ANKRD28: variants seen among roughly 807,000 people sequenced by gnomAD.
The protein encoded by ANKRD28 is serine/threonine-protein phosphatase 6 regulatory ankyrin repeat subunit A.
Under a neutral mutation model 126.5 loss-of-function variants are expected in ANKRD28, and 44 were observed. The observed-to-expected ratio is 0.35, with a 90% CI of 0.27 to 0.45. The LOEUF (loss-of-function observed/expected upper bound fraction) is 0.45, where lower values mean the gene tolerates loss of function less well. ANKRD28 is among the 20% of genes least tolerant of loss of function. The pLI is 1.00. For missense variants in ANKRD28, 1,110 were observed against 1,316.6 expected (o/e 0.84, Z 2.43); for synonymous variants, 442 against 468.5 (o/e 0.94, Z 0.73).
upstream of ANKRD28, among the ~76,000 whole-genome samples, chr3:15,800,813 A>G (rs13433957): frequency 0.041 from 6,217 of 152,152 alleles, 411 homozygotes; most frequent in African/African-American, 0.14. Context: ...CCCATGGTAT[A>G]TTATAAAATC....
Position 15,713,605 on chromosome 3 carries a change from G to A in ANKRD28, c.1112C>T (p.Thr371Ile). The A allele has an allele frequency of 5.0e-6, 8 of 1,609,664 alleles. No individual in the cohort carries two copies. Among genetic ancestry groups the A allele is most frequent in the East Asian group, 4.5e-5 (2 of 44,632 alleles). The change falls in exon 10 of 28, where the codon ACC becomes ATC. Residue 371 changes from threonine to isoleucine, a missense_variant. Transcript: ENST00000683139. ...VIDCEDKNGN[T>I]PLHIAARYGH... ...ATACCGTGCTGCTATGTGCAAAGGGGTATTTCCATTCTTATCCTCACAGTC... is the reference window on the plus strand; with the variant it reads ...ATACCGTGCTGCTATGTGCAAAGGGATATTTCCATTCTTATCCTCACAGTC...
intron 14 of ANKRD28, among the ~76,000 whole-genome samples, chr3:15,702,109 A>G (rs1020075889): frequency 6.6e-6 from 1 of 152,218 alleles, no homozygotes; most frequent in African/African-American, 2.4e-5. Flanking sequence ...GGTAAGCATT[A>G]TCTCTAACAA....
At chr3:15,753,793 A>C (rs2058008194) in intron 3 of ANKRD28, among the ~76,000 whole-genome samples, 1 of 152,134 alleles carries the variant, frequency 6.6e-6, no homozygotes, top group Non-Finnish European at 1.5e-5. Context: ...AAATACAAAA[A>C]TTAGCCAGAT....
intron 13 of ANKRD28, 60 bp downstream of exon 13, chr3:15,709,608 A>G: frequency 8.6e-7 from 1 of 1,159,996 alleles, no homozygotes; most frequent in South Asian, 1.4e-5. Context: ...AGCCAGTTAG[A>G]AGGTCAATCA....
chr3:15,835,812 A>G (rs1237153492), intron 1 of ANKRD28, among the ~76,000 whole-genome samples: 1 of 152,226 alleles, frequency 6.6e-6, no homozygotes, highest in Non-Finnish European at 1.5e-5. Flanking sequence ...TATAGATGAA[A>G]GACAGATACT....
chr3:15,776,665 G>A (rs2059283404), intron 2 of ANKRD28, among the ~76,000 whole-genome samples: 1 of 152,194 alleles, frequency 6.6e-6, no homozygotes, highest in East Asian at 1.9e-4. Context: ...GGGCACTTCT[G>A]AGGTGCTAAT....
chr3:15,686,365 T>C, intron 18 of ANKRD28, 56 bp from the exon 19 acceptor site: 2 of 1,359,414 alleles, frequency 1.5e-6, no homozygotes, highest in Non-Finnish European at 2.0e-6. Flanking sequence ...AAATAGAAAA[T>C]GTCCATCTAA....
intron 1 of ANKRD28, among the ~76,000 whole-genome samples, chr3:15,822,399 A>G (rs1224747096): frequency 6.6e-6 from 1 of 152,256 alleles, no homozygotes; most frequent in Non-Finnish European, 1.5e-5. Flanking sequence ...AACACAATGA[A>G]GAACACAGAC....
intron 14 of ANKRD28, among the ~76,000 whole-genome samples, chr3:15,703,683 A>T (rs538332302): frequency 1.2e-4 from 18 of 152,338 alleles, no homozygotes; most frequent in Admixed American, 7.8e-4. Flanking sequence ...ATACCAGTCC[A>T]AACAGACTAA....
intron 27 of ANKRD28, among the ~76,000 whole-genome samples, chr3:15,671,187 T>C (rs1402219509): frequency 6.6e-6 from 1 of 152,196 alleles, no homozygotes; most frequent in Non-Finnish European, 1.5e-5. Context: ...AAAACAAATA[T>C]TTCCTTTGTA....
At chr3:15,704,278 A>C (rs543739850) in intron 14 of ANKRD28, among the ~76,000 whole-genome samples, 13 of 152,180 alleles carry the variant, frequency 8.5e-5, no homozygotes, top group Non-Finnish European at 1.9e-4. Context: ...TGGGGGTAAC[A>C]AGCAGAATGA....
chr3:15,683,670 C>T (rs904374694), intron 21 of ANKRD28: 2 of 152,080 alleles, frequency 1.3e-5, no homozygotes, highest in Non-Finnish European at 2.9e-5. Context: ...AATGTTCTAA[C>T]GGCAAAAGAA....
In ANKRD28 at chr3:15,833,423, C is replaced by T. The variant is rs894015193; in HGVS notation, c.27+25954G>A. Among the ~76,000 whole-genome samples, 25 of 151,602 alleles carry T rather than the reference C, an allele frequency of 1.6e-4. No individual in the cohort carries two copies. Among genetic ancestry groups the T allele is most frequent in the African/African-American group, 5.6e-4 (23 of 41,274 alleles). On this transcript the variant is annotated intron_variant, in intron 1 of 27. Coordinates refer to the ANKRD28 transcript ENST00000399451. This position sits in a 1 kb window ranked among gnomAD's most constrained non-coding sequence, Gnocchi z 4.4. ...TCCTTGCTCCTCAGCTGGCAGATGC[C>T]CTACTGTGGGACCTTGTGATCATGT... is the stretch of plus-strand genomic sequence containing the variant.
chr3:15,742,197 C>A (rs1340768341), intron 4 of ANKRD28, among the ~76,000 whole-genome samples: 2 of 149,780 alleles, frequency 1.3e-5, no homozygotes, highest in Non-Finnish European at 3.0e-5. Flanking sequence ...CCTGGCCGCC[C>A]ATCGTCTGGG....
At chr3:15,737,489 TAAA>T (rs2075098921) in intron 4 of ANKRD28, among the ~76,000 whole-genome samples, 1 of 152,280 alleles carries the variant, frequency 6.6e-6, no homozygotes, top group Non-Finnish European at 1.5e-5. Flanking sequence ...ACCCTACCAT[TAAA>T]TGCATAAACA....
In ANKRD28 at chr3:15,796,953, A is replaced by G. The variant is rs2060304430; in HGVS notation, c.-432T>C. 2.0e-6 allele frequency: 2 copies of G among 985,508 alleles called. No individual in the cohort carries two copies. The highest frequency in any genetic ancestry group is 2.4e-6 in the Non-Finnish European group (2 of 830,064). 61.0% of individuals were successfully genotyped at this position (985,508 alleles called of 1,614,324 possible). ...TGAAATGAGAAACAACTGCTGTGAC[A>G]GAGATGATCACAGCGATACCCACTC... On this transcript the variant is annotated 5_prime_UTR_variant, in exon 1 of 28. Transcript: ENST00000683139.
At position 15,677,540 on chromosome 3, in the gene ANKRD28, A is replaced by C. The variant is rs759882787; in HGVS notation, c.2730T>G (p.Ser910Arg). The C allele has an allele frequency of 2.0e-5, 32 of 1,612,832 alleles. No individual in the cohort carries two copies. In the East Asian group the frequency reaches 6.5e-4, roughly 33 times the overall value. The change falls in exon 25 of 28, where the codon AGT becomes AGG. Residue 910 changes from serine (S) to arginine (R), a missense_variant. Transcript: ENST00000683139. ...NTVEMLVSSASAELTLQDNSK... is the reference protein window; with the variant it reads ...NTVEMLVSSARAELTLQDNSK... The stretch of plus-strand genomic sequence containing the variant: ...TGTTATCTTGTAAAGTCAGTTCTGC[A>C]CTAGCACTGCTAACCAGCATCTCTG...
Position 15,679,285 on chromosome 3 carries a change from A to G in ANKRD28, c.2561+16T>C, listed in dbSNP as rs757954880. The G allele has an allele frequency of 3.1e-6, 5 of 1,611,872 alleles. No individual in the cohort carries two copies. The highest frequency in any genetic ancestry group is 2.2e-5 in the South Asian group (2 of 91,042). ...GTGCCTGGCTAAAACTATTTAATAC[A>G]TAGTTGAATTCCTACCTTCCTTTTG... On this transcript the variant is annotated intron_variant, in intron 23 of 27. Transcript: ENST00000683139.
intron 1 of ANKRD28, among the ~76,000 whole-genome samples, chr3:15,809,924 T>C (rs775715092): frequency 6.6e-6 from 1 of 152,334 alleles, no homozygotes; most frequent in South Asian, 2.1e-4. Flanking sequence ...TACATGCAGC[T>C]ATGCCCTTGC....
Sources: allele counts gnomAD v4.1 joint callset (sites outside exome capture counted in the v4.1 genomes callset), GRCh38; gene constraint gnomAD v4.1.1; non-coding constraint Gnocchi (gnomAD v3.1); transcripts MANE v1.5; gene names NCBI Gene and HGNC (gene_info 2026-07-23, HGNC 2026-07-21).